The following USP34 variants were observed in gnomAD, a reference collection of about 807,000 sequenced individuals.
The protein encoded by USP34 is ubiquitin carboxyl-terminal hydrolase 34.
A neutral mutation model predicts 460.3 loss-of-function variants in USP34; 70 were observed. The ratio of observed to expected loss-of-function variants is 0.15; its 90% CI spans 0.13 to 0.19. The LOEUF is 0.19. Ranked by LOEUF, USP34 falls within the 10% of genes least tolerant of loss-of-function variation. USP34 has a pLI of 1.00. For missense variants in USP34, 3,985 were observed against 4,236.2 expected, an observed-to-expected ratio of 0.94 and a Z score of 1.65; for synonymous variants, 1,647 against 1,405.3, an observed-to-expected ratio of 1.17 and a Z score of -3.85.
At chr2:61,337,249 TAG>T (rs1691448844) in intron 18 of USP34, among the ~76,000 whole-genome samples, 1 of 152,138 alleles carries the variant, frequency 6.6e-6, no homozygotes, top group Non-Finnish European at 1.5e-5. Context: ...AATAAAATAA[TAG>T]AGATACATAA....
chr2:61,313,233 CA>C (rs1360453720), intron 25 of USP34, among the ~76,000 whole-genome samples: 1 of 151,688 alleles, frequency 6.6e-6, no homozygotes, highest in Non-Finnish European at 1.5e-5. Flanking sequence ...AAGGACATAA[CA>C]ATTTTTTTTT....
At chr2:61,327,382 G>C (rs1183544785) in intron 20 of USP34, among the ~76,000 whole-genome samples, 1 of 152,150 alleles carries the variant, frequency 6.6e-6, no homozygotes, top group Admixed American at 6.6e-5. Flanking sequence ...CAGACTATAA[G>C]GCAACCCAGA....
intron 1 of USP34, among the ~76,000 whole-genome samples, chr2:61,439,479 G>A (rs553489683): frequency 2.1e-4 from 32 of 152,304 alleles, no homozygotes; most frequent in Non-Finnish European, 2.9e-4. Flanking sequence ...GCACTGGGAG[G>A]GAAGGGGCCG....
chr2:61,362,482 T>C (rs1229209085), intron 10 of USP34, among the ~76,000 whole-genome samples: 2 of 152,196 alleles, frequency 1.3e-5, no homozygotes, highest in Non-Finnish European at 2.9e-5. Context: ...ATTCAGCTTT[T>C]AAAAAGGAGG....
chr2:61,251,914 G>C (rs1319283865), intron 48 of USP34, among the ~76,000 whole-genome samples: 1 of 150,636 alleles, frequency 6.6e-6, no homozygotes, highest in Non-Finnish European at 1.5e-5. Context: ...CTGTGCATTT[G>C]TTTCATCTTT....
chr2:61,359,034 C>T (rs1014247342), intron 10 of USP34, among the ~76,000 whole-genome samples: 2 of 152,126 alleles, frequency 1.3e-5, no homozygotes, highest in African/African-American at 4.8e-5. Flanking sequence ...AATACTGCCT[C>T]CAAAGTGATC....
chr2:61,406,110 G>C lies in USP34; in HGVS notation c.150C>G (p.Phe50Leu). 6.2e-7 allele frequency: 1 copy of C among 1,608,214 alleles called. No individual in the cohort carries two copies. ...AAATCTCCAAATGCTTATATTCCTT[G>C]AAGCAGCATAGACATTGCCTATAAG... ...SWTQRQCLCC[F>L]KEYKHLEIFN... The change falls in exon 3 of 80, where the codon TTC becomes TTG. Residue 50 changes from phenylalanine to leucine, a missense_variant. Around this residue, in one of 14 missense-constraint regions of USP34, gnomAD observed 331 missense variants for 293.7 expected, o/e 1.13. Transcript: ENST00000398571.
intron 75 of USP34, among the ~76,000 whole-genome samples, chr2:61,193,722 G>C (rs932813033): frequency 5.3e-5 from 8 of 152,130 alleles, no homozygotes; most frequent in Non-Finnish European, 1.2e-4. Context: ...GGTCCCCAGG[G>C]CAAGTATAAT....
chr2:61,375,125 T>C (rs539739890), intron 8 of USP34, among the ~76,000 whole-genome samples: 6 of 152,170 alleles, frequency 3.9e-5, no homozygotes, highest in Non-Finnish European at 4.4e-5. Flanking sequence ...AGAAACATTA[T>C]GGCAAATAAC....
chr2:61,388,060 G>C (rs1275041898), intron 5 of USP34, among the ~76,000 whole-genome samples: 1 of 151,950 alleles, frequency 6.6e-6, no homozygotes, highest in African/African-American at 2.4e-5. Context: ...GAGCTCAGGA[G>C]TTTGAGATCA....
At chr2:61,330,677 C>A (rs1691232589) in intron 20 of USP34, among the ~76,000 whole-genome samples, 1 of 152,172 alleles carries the variant, frequency 6.6e-6, no homozygotes, top group African/African-American at 2.4e-5. Context: ...CAGCAGAAAT[C>A]TTCTGAATCT....
chr2:61,278,458 A>G lies in USP34; in HGVS notation c.5257-15T>C, dbSNP rs200118555. On this transcript the variant is annotated splice_polypyrimidine_tract_variant and intron_variant, in intron 39 of 79. Coordinates refer to ENST00000398571, the MANE Select transcript of USP34 (RefSeq NM_014709.4). ...AGGAGCGTTGTCTTAATACAAAAAG[A>G]AAATAAAAATTCAAATATAAATTTT... 2 of 1,496,664 alleles carry G rather than the reference A, an allele frequency of 1.3e-6. No homozygotes were observed. The highest frequency in any genetic ancestry group is 1.8e-6 in the Non-Finnish European group (2 of 1,123,834). The allele number at this position is 1,496,664 out of a possible 1,614,324, so 92.7% of individuals were successfully genotyped here. A position where few individuals can be genotyped will look rare whatever the true frequency, so the allele number is the denominator to read the frequency against.
rs921600838 is a variant in USP34, at chr2:61,259,720, T to C, written c.5835A>G (p.Thr1945=). Residue 1945 remains threonine, a synonymous_variant, in exon 44 of 80, where the codon ACA becomes ACG. Transcript: ENST00000398571. ...TGATTCTTAAACATACCATTAAATA[T>C]GTAAACATTTTCTGAAGCTCCAGAA... The part of the protein sequence containing the change: ...TTLLELQKMF[T]YLMESECKAY... 1.1e-5 allele frequency: 17 copies of C among 1,613,252 alleles called. No homozygotes were observed. Among genetic ancestry groups the C allele is most frequent in the Admixed American group, 1.7e-5 (1 of 60,002 alleles).
chr2:61,201,735 C>T (rs1205029393), intron 75 of USP34, among the ~76,000 whole-genome samples: 1 of 152,182 alleles, frequency 6.6e-6, no homozygotes, highest in Non-Finnish European at 1.5e-5. Flanking sequence ...CAGGGTAGAA[C>T]ATTCAATATT....
intron 16 of USP34, among the ~76,000 whole-genome samples, chr2:61,340,858 C>CT (rs5831606): frequency 0.03 from 3,701 of 124,740 alleles, 73 homozygotes; most frequent in Non-Finnish European, 0.046. Context: ...TGTGGCTTGT[C>CT]TTTTTTTTTT....
chr2:61,355,166 T>A (rs957084339), intron 10 of USP34, among the ~76,000 whole-genome samples: 1 of 152,194 alleles, frequency 6.6e-6, no homozygotes. Context: ...TGGGGAATAA[T>A]GGAATGATTT....
chr2:61,275,519 G>C (rs911447426), intron 41 of USP34, among the ~76,000 whole-genome samples: 2 of 152,064 alleles, frequency 1.3e-5, no homozygotes, highest in Non-Finnish European at 2.9e-5. Context: ...AGACACCTGG[G>C]AGGTTGGGGC....
chr2:61,445,194 G>A (rs1232786286), intron 1 of USP34, among the ~76,000 whole-genome samples: 2 of 51,912 alleles, frequency 3.9e-5, no homozygotes, highest in African/African-American at 1.6e-4. Context: ...AATGCTAAGA[G>A]AAAAAACTGT....
In USP34 at chr2:61,294,611, G is replaced by A. The variant is rs72813517; in HGVS notation, c.4461+338C>T. 9.9e-5 allele frequency among the ~76,000 whole-genome samples: 15 copies of A among 152,024 alleles called. No individual in the cohort carries two copies. The East Asian group carries it at 2.3e-3, about 24-fold the overall frequency. ...ATTTTTGCATTTTTAGTAGAGACACGGGTTTTACCATGTTGGCCAGGCTGA... is the reference window on the plus strand; with the variant it reads ...ATTTTTGCATTTTTAGTAGAGACACAGGTTTTACCATGTTGGCCAGGCTGA... On this transcript the variant is annotated intron_variant, in intron 32 of 79. Transcript: ENST00000398571.
Sources: allele counts gnomAD v4.1 joint callset (sites outside exome capture counted in the v4.1 genomes callset), GRCh38; gene constraint gnomAD v4.1.1; regional missense constraint gnomAD v4.1.1; transcripts MANE v1.5; gene names NCBI Gene and HGNC (gene_info 2026-07-23, HGNC 2026-07-21).